The following SLC12A2 variants were observed in gnomAD, a reference collection of about 807,000 sequenced individuals.
The protein encoded by SLC12A2 is Na-K-2Cl cotransporter 1.
SLC12A2 carries 67 observed loss-of-function variants against 136.3 expected under a neutral mutation model. That is an observed-to-expected ratio of 0.49 (90% CI 0.40 to 0.60). The LOEUF (loss-of-function observed/expected upper bound fraction) is 0.60. SLC12A2 is among the 20% of genes least tolerant of loss of function. The pLI is 0.00. For missense variants in SLC12A2, 1,322 were observed against 1,534.7 expected, an observed-to-expected ratio of 0.86 and a Z score of 2.32; for synonymous variants, 619 against 562.9, an observed-to-expected ratio of 1.10 and a Z score of -1.41.
At chr5:128,109,659 A>C in intron 1 of SLC12A2, 1 of 852,840 alleles carries the variant, frequency 1.2e-6, no homozygotes, top group East Asian at 2.4e-5. Context: ...ACATCAGGGA[A>C]TAGCTTCACA....
At chr5:128,170,980 C>T (rs897872857) in intron 18 of SLC12A2, 3 of 152,088 alleles carry the variant, frequency 2.0e-5, no homozygotes, top group African/African-American at 7.3e-5. Flanking sequence ...TCTGTACTCC[C>T]AGCTACTCGG....
At chr5:128,172,962 A>AAG (rs1763424554) in intron 19 of SLC12A2, among the ~76,000 whole-genome samples, 2 of 137,430 alleles carry the variant, frequency 1.5e-5, no homozygotes, top group African/African-American at 6.0e-5. Flanking sequence ...TACAAAAAAA[A>AAG]CAAAAAACAA....
intron 2 of SLC12A2, 34 bp downstream of exon 2, chr5:128,112,967 G>T: frequency 6.6e-7 from 1 of 1,520,350 alleles, no homozygotes; most frequent in Non-Finnish European, 8.8e-7. Flanking sequence ...TATAGTTACA[G>T]CATATCTGTT....
chr5:128,093,545 T>A (rs923982273), intron 1 of SLC12A2, among the ~76,000 whole-genome samples: 1 of 152,170 alleles, frequency 6.6e-6, no homozygotes, highest in Admixed American at 6.6e-5. Flanking sequence ...CAGTGTGTGC[T>A]ATATCTCTCG....
chr5:128,126,672 T>C (rs543225176), intron 4 of SLC12A2, among the ~76,000 whole-genome samples: 1 of 152,186 alleles, frequency 6.6e-6, no homozygotes, highest in South Asian at 2.1e-4. Context: ...TTCCTCTTTT[T>C]CTTGCCTTTT....
chr5:128,129,779 G>C (rs898214267), intron 4 of SLC12A2, among the ~76,000 whole-genome samples: 1 of 152,088 alleles, frequency 6.6e-6, no homozygotes, highest in Non-Finnish European at 1.5e-5. Context: ...TGTAACTTCA[G>C]TAGTATTAAA....
At chr5:128,129,528 A>T (rs1450903397) in intron 4 of SLC12A2, among the ~76,000 whole-genome samples, 1 of 150,948 alleles carries the variant, frequency 6.6e-6, no homozygotes, top group Non-Finnish European at 1.5e-5. Flanking sequence ...TTTATAGTGG[A>T]TGGGTTTAAA....
intron 1 of SLC12A2, among the ~76,000 whole-genome samples, chr5:128,094,167 C>G (rs566095698): frequency 6.6e-6 from 1 of 151,130 alleles, no homozygotes; most frequent in African/African-American, 2.4e-5. Flanking sequence ...TCAACTTAAG[C>G]TAACTTCAAG....
chr5:128,168,087 T>TAC lies in SLC12A2; in HGVS notation c.2723+234_2723+235dup, dbSNP rs72198423. On this transcript the variant is annotated intron_variant, in intron 18 of 26. Coordinates refer to ENST00000262461, the MANE Select transcript of SLC12A2 (RefSeq NM_001046.3). ...TTACATACATGCATATATATATATATACACACACACACACATATATGTATG... is the reference window on the plus strand; with the variant it reads ...TTACATACATGCATATATATATATATACACACACACACACACATATATGTATG... The TAC allele has an allele frequency of 6.5e-4, 194 of 300,508 alleles. 1 individual carries two copies. Among genetic ancestry groups the TAC allele is most frequent in the African/African-American group, 2.9e-3 (131 of 44,828 alleles). 18.6% of individuals were successfully genotyped at this position (300,508 alleles called of 1,614,324 possible).
rs761932178 is a variant in SLC12A2 at position 128,180,964 on chromosome 5, A to C, written c.3182A>C (p.Lys1061Thr). The change falls in exon 23 of 27, where the codon AAG (lysine) becomes ACG (threonine). Residue 1061 changes from lysine to threonine, a missense_variant. Lys to Thr is a moderately conservative substitution (Grantham distance 78). This residue lies in a region of SLC12A2 where 172 missense variants were observed against 227.4 expected (regional missense o/e 0.76). Transcript: ENST00000262461. ...AAGATCAGAGTATTCATTGGTGGAA[A>C]GATAAACAGAATAGACCATGACCGG... Reference protein sequence around the residue: ...DCKIRVFIGGKINRIDHDRRA... With the variant: ...DCKIRVFIGGTINRIDHDRRA... 3.7e-6 allele frequency: 6 copies of C among 1,610,656 alleles called. No homozygotes were observed. The Admixed American group carries it at 5.0e-5, about 13-fold the overall frequency.
chr5:128,112,231 A>G (rs745932183), intron 1 of SLC12A2, among the ~76,000 whole-genome samples: 1 of 152,230 alleles, frequency 6.6e-6, no homozygotes, highest in Non-Finnish European at 1.5e-5. Context: ...TATGTCAACC[A>G]GTACATGTCT....
chr5:128,151,098 C>A, intron 13 of SLC12A2, 143 bp from the exon 14 acceptor site: 1 of 582,254 alleles, frequency 1.7e-6, no homozygotes, highest in South Asian at 3.3e-5. Flanking sequence ...TTTGACTTTA[C>A]TATTCAATAT....
intron 19 of SLC12A2, 126 bp from the exon 20 acceptor site, chr5:128,174,415 G>C (rs987210014): frequency 3.1e-6 from 2 of 651,634 alleles, no homozygotes; most frequent in Admixed American, 3.4e-5. Flanking sequence ...TATCATAGTT[G>C]TTTAAATAAG....
At chr5:128,185,364 T>C (rs141254563) in intron 26 of SLC12A2, among the ~76,000 whole-genome samples, 4 of 152,192 alleles carry the variant, frequency 2.6e-5, no homozygotes, top group South Asian at 2.1e-4. Flanking sequence ...ATGCCTACTT[T>C]GGCTCTTCCT....
At chr5:128,094,547 CTTTTTTTTTCTT>C in intron 1 of SLC12A2, among the ~76,000 whole-genome samples, 1 of 150,934 alleles carries the variant, frequency 6.6e-6, no homozygotes, top group South Asian at 2.1e-4. Context: ...ATTTTGGTGA[CTTTTTTTTTCTT>C]TTTTAAATAC....
chr5:128,177,647 T>C (rs1400313197), intron 21 of SLC12A2: 2 of 153,170 alleles, frequency 1.3e-5, no homozygotes, highest in Non-Finnish European at 2.9e-5. Context: ...GAGGTGAGAG[T>C]TATGGAGCAG....
chr5:128,143,148 A>G (rs1271534505), intron 10 of SLC12A2, among the ~76,000 whole-genome samples: 2 of 152,154 alleles, frequency 1.3e-5, no homozygotes, highest in African/African-American at 2.4e-5. Context: ...AGTTTTCAGC[A>G]TATACGTCCT....
At position 128,089,872 on chromosome 5, in the gene SLC12A2, C is replaced by G. The variant is rs566233735; in HGVS notation, c.756+5162C>G. 3.3e-5 allele frequency among the ~76,000 whole-genome samples: 5 copies of G among 152,294 alleles called. No individual in the cohort carries two copies. The East Asian group carries it at 9.7e-4, about 29-fold the overall frequency. ...TCAAGAAATTTCACACACTATTAAT[C>G]ATTTCAGTGTATAGCTTTAGTCCTT... is the stretch of plus-strand genomic sequence containing the variant. On this transcript the variant is annotated intron_variant, in intron 1 of 26. Transcript: ENST00000262461.
intron 21 of SLC12A2, chr5:128,177,530 T>A (rs1763574098): frequency 6.1e-6 from 1 of 162,698 alleles, no homozygotes; most frequent in Non-Finnish European, 1.3e-5. Flanking sequence ...TCAATTTTGA[T>A]ACTAATGTAT....
Sources: allele counts gnomAD v4.1 joint callset (sites outside exome capture counted in the v4.1 genomes callset), GRCh38; gene constraint gnomAD v4.1.1; regional missense constraint gnomAD v4.1.1; transcripts MANE v1.5; gene names NCBI Gene and HGNC (gene_info 2026-07-23, HGNC 2026-07-21).